Variants in LTBP1 observed in about 807,000 individuals in gnomAD.
LTBP1 encodes the protein latent-transforming growth factor beta-binding protein 1.
LTBP1 carries 129 observed loss-of-function variants against 207.6 expected under a neutral mutation model. That is an observed-to-expected ratio of 0.62 (90% confidence interval 0.54 to 0.72). The LOEUF (loss-of-function observed/expected upper bound fraction) is 0.72. Among genes scored for constraint, LTBP1 ranks in the 30% least tolerant of loss-of-function variants. The probability of loss-of-function intolerance (pLI) is 0.00; values close to 1 mark genes in which losing one functional copy is unlikely to be tolerated. For synonymous variants in LTBP1, 963 were observed against 833.7 expected, an observed-to-expected ratio of 1.16 and a Z score of -2.67; for missense variants, 2,281 against 2,217.2, an observed-to-expected ratio of 1.03 and a Z score of -0.58.
chr2:33,206,738 CAAAAAAAA>C lies in LTBP1; in HGVS notation c.1702-10805_1702-10798del, dbSNP rs367575248. Among the ~76,000 whole-genome samples the C allele has an allele frequency of 1.4e-4, 13 of 91,106 alleles. 1 individual carries two copies. The highest frequency in any genetic ancestry group is 3.9e-4 in the African/African-American group (11 of 28,486). The allele number at this position is 91,106 out of a possible 152,430, so 59.8% of individuals were successfully genotyped here. A position where few individuals can be genotyped will look rare whatever the true frequency, so the allele number is the denominator to read the frequency against. On this transcript the variant is annotated intron_variant, in intron 7 of 33. Coordinates refer to ENST00000404816, the MANE Select transcript of LTBP1 (RefSeq NM_206943.4). Reference sequence around the variant, plus strand: ...TGGGCGACAGAGCAAGACTCCATTTCAAAAAAAAAAAAAAAAGAAAAATTGGAGAAGAT... The same window carrying C: ...TGGGCGACAGAGCAAGACTCCATTTCAAAAAAAAGAAAAATTGGAGAAGAT...
intron 2 of LTBP1, among the ~76,000 whole-genome samples, chr2:32,989,065 C>A (rs996565156): frequency 1.5e-4 from 23 of 152,100 alleles, no homozygotes; most frequent in African/African-American, 5.3e-4. Flanking sequence ...GGTGTTTGGC[C>A]TTGAAATGAT....
intron 7 of LTBP1, among the ~76,000 whole-genome samples, chr2:33,200,816 G>C (rs910611099): frequency 2.3e-4 from 35 of 152,260 alleles, no homozygotes; most frequent in African/African-American, 7.7e-4. Context: ...AGTGGGCGAA[G>C]GATATGAACA....
intron 5 of LTBP1, among the ~76,000 whole-genome samples, chr2:33,142,153 G>C (rs1247172518): frequency 6.6e-6 from 1 of 152,044 alleles, no homozygotes; most frequent in African/African-American, 2.4e-5. Flanking sequence ...CCGGGTTCAC[G>C]CCATTCTCAT....
chr2:33,202,384 A>G (rs2089408396), intron 7 of LTBP1, among the ~76,000 whole-genome samples: 1 of 152,172 alleles, frequency 6.6e-6, no homozygotes, highest in South Asian at 2.1e-4. Context: ...CACTTTGGAA[A>G]TCTTTTCTCA....
At chr2:33,135,081 G>C (rs772419425) in intron 5 of LTBP1, 121 bp downstream of exon 5, 3 of 1,009,096 alleles carry the variant, frequency 3.0e-6, no homozygotes, top group Non-Finnish European at 4.2e-6. Flanking sequence ...CTATGAGTAC[G>C]AGTATGTTTC....
intron 3 of LTBP1, among the ~76,000 whole-genome samples, chr2:33,049,280 T>G (rs1355735871): frequency 6.6e-6 from 1 of 152,212 alleles, no homozygotes; most frequent in Non-Finnish European, 1.5e-5. Flanking sequence ...TCCAATAAGT[T>G]TGTAAGACCA....
intron 30 of LTBP1, 53 bp downstream of exon 30, chr2:33,364,409 C>T: frequency 6.5e-7 from 1 of 1,539,352 alleles, no homozygotes; most frequent in Non-Finnish European, 8.8e-7. Flanking sequence ...ATAAGATTTT[C>T]CTTTTAACTA....
At chr2:33,382,315 G>A (rs970075577) in intron 31 of LTBP1, among the ~76,000 whole-genome samples, 7 of 151,810 alleles carry the variant, frequency 4.6e-5, no homozygotes, top group African/African-American at 9.7e-5. Context: ...GGCTGCTCTC[G>A]AACTCCTGAC....
intron 5 of LTBP1, among the ~76,000 whole-genome samples, chr2:33,173,543 C>G (rs1265873623): frequency 6.6e-6 from 1 of 151,986 alleles, no homozygotes; most frequent in Non-Finnish European, 1.5e-5. Context: ...AGTCCAGGAC[C>G]AGATGGATTC....
intron 24 of LTBP1, among the ~76,000 whole-genome samples, chr2:33,318,440 G>C (rs1358586624): frequency 1.3e-5 from 2 of 152,156 alleles, no homozygotes; most frequent in Non-Finnish European, 2.9e-5. Context: ...CCATGAAGCC[G>C]ACATTCCACT....
At chr2:33,250,589 A>G (rs1442680036) in intron 10 of LTBP1, among the ~76,000 whole-genome samples, 1 of 152,134 alleles carries the variant, frequency 6.6e-6, no homozygotes, top group East Asian at 1.9e-4. Context: ...CCAGTGATCC[A>G]CATTCCCATG....
intron 7 of LTBP1, among the ~76,000 whole-genome samples, chr2:33,194,214 T>A (rs1282579443): frequency 6.6e-6 from 1 of 152,078 alleles, no homozygotes; most frequent in Non-Finnish European, 1.5e-5. Flanking sequence ...CTCGATCTCC[T>A]GACCTCGTGA....
Position 33,048,570 on chromosome 2 carries a change from A to G in LTBP1, c.863+27364A>G, listed in dbSNP as rs115765689. 5.7e-3 allele frequency among the ~76,000 whole-genome samples: 862 copies of G among 152,370 alleles called. 8 individuals carry two copies. Among genetic ancestry groups the G allele is most frequent in the African/African-American group, 0.019 (796 of 41,580 alleles). On this transcript the variant is annotated intron_variant, in intron 3 of 33. Coordinates refer to ENST00000404816, the MANE Select transcript of LTBP1 (RefSeq NM_206943.4). ...AAGAATAGATGTTGTACTTATGTTT[A>G]CTTCTGTCTAAAAATAGAAATCAAC... is the stretch of plus-strand genomic sequence containing the variant.
At chr2:33,063,858 T>TA (rs1383147769) in intron 3 of LTBP1, among the ~76,000 whole-genome samples, 1 of 151,736 alleles carries the variant, frequency 6.6e-6, no homozygotes, top group Admixed American at 6.6e-5. Context: ...ATATTCTTTT[T>TA]TTTTTTTCTT....
chr2:33,150,783 C>G (rs2083463895), intron 5 of LTBP1, among the ~76,000 whole-genome samples: 1 of 141,312 alleles, frequency 7.1e-6, no homozygotes, highest in African/African-American at 2.6e-5. Flanking sequence ...CAGTGGCAAC[C>G]TCCACCTGGG....
chr2:33,374,593 A>G, intron 31 of LTBP1, among the ~76,000 whole-genome samples: 1 of 152,204 alleles, frequency 6.6e-6, no homozygotes, highest in East Asian at 1.9e-4. Flanking sequence ...AACTCTTGGT[A>G]TCCATGGAAC....
At chr2:33,224,855 A>G (rs1032151194) in intron 9 of LTBP1, among the ~76,000 whole-genome samples, 4 of 152,088 alleles carry the variant, frequency 2.6e-5, no homozygotes, top group Non-Finnish European at 5.9e-5. Flanking sequence ...TTTTTCCCCC[A>G]AAGAATCAGT....
At position 33,300,581 on chromosome 2, in the gene LTBP1, G is replaced by A. The variant is rs1356420253; in HGVS notation, c.3358+8G>A. 1.9e-6 allele frequency: 3 copies of A among 1,610,508 alleles called. No homozygotes were observed. The highest frequency in any genetic ancestry group is 1.3e-5 in the African/African-American group (1 of 74,926). ...CTAAAGACCAGTGTGAAGGTAAGAG[G>A]GTAGTAACATGAACTACTGAAACTT... On this transcript the variant is annotated splice_region_variant and intron_variant, in intron 21 of 33. Coordinates refer to ENST00000404816, the MANE Select transcript of LTBP1 (RefSeq NM_206943.4).
intron 3 of LTBP1, among the ~76,000 whole-genome samples, chr2:33,104,534 C>T (rs1459828409): frequency 6.6e-6 from 1 of 152,126 alleles, no homozygotes; most frequent in African/African-American, 2.4e-5. Context: ...TGCAGGTGGT[C>T]CTCTCCTGCT....
Sources: allele counts gnomAD v4.1 joint callset (sites outside exome capture counted in the v4.1 genomes callset), GRCh38; gene constraint gnomAD v4.1.1; transcripts MANE v1.5; gene names NCBI Gene and HGNC (gene_info 2026-07-23, HGNC 2026-07-21).